CRKL: variants seen among roughly 807,000 people sequenced by gnomAD.
CRKL encodes the protein CRK like proto-oncogene, adaptor protein, also known as crk-like protein.
CRKL carries 3 observed loss-of-function variants against 23.0 expected under a neutral mutation model. The ratio of observed to expected loss-of-function variants is 0.13; its 90% confidence interval spans 0.06 to 0.34. The LOEUF is 0.34. CRKL is among the 10% of genes least tolerant of loss of function. The pLI, the probability that CRKL is intolerant of heterozygous loss-of-function variation, is 1.00. For missense variants in CRKL, 256 were observed against 394.5 expected, an observed-to-expected ratio of 0.65 and a Z score of 2.97; for synonymous variants, 188 against 160.7, an observed-to-expected ratio of 1.17 and a Z score of -1.28.
Position 20,951,900 on chromosome 22 carries a change from G to A in CRKL, c.*2055G>A, listed in dbSNP as rs1437520329. On this transcript the variant is annotated 3_prime_UTR_variant, in exon 3 of 3. Transcript: ENST00000354336. ...TTAGCCCTTCCTTGCCAGTGAGAACGGTGACCGCCTCCTGCTCTGCACGGT... is the reference window on the plus strand; with the variant it reads ...TTAGCCCTTCCTTGCCAGTGAGAACAGTGACCGCCTCCTGCTCTGCACGGT... The A allele has an allele frequency of 4.1e-5, 9 of 222,068 alleles. No homozygotes were observed. The East Asian group carries it at 5.9e-4, about 15-fold the overall frequency. 13.8% of individuals were successfully genotyped at this position (222,068 alleles called of 1,614,324 possible). A position where few individuals can be genotyped will look rare whatever the true frequency, so the allele number is the denominator to read the frequency against.
rs909922538 is a variant in CRKL, at chr22:20,952,745, C to G, written c.*2900C>G. ...TATGGTTTTTCACCTGGGAAGGAAA[C>G]AAATTACGTACTAGAGGGCATTGAC... On this transcript the variant is annotated 3_prime_UTR_variant, in exon 3 of 3. Coordinates refer to ENST00000354336, the MANE Select transcript of CRKL (RefSeq NM_005207.4). The G allele has an allele frequency of 8.6e-6, 2 of 231,658 alleles. No homozygotes were observed. Among genetic ancestry groups the G allele is most frequent in the Non-Finnish European group, 1.7e-5 (2 of 117,186 alleles). 14.4% of individuals were successfully genotyped at this position (231,658 alleles called of 1,614,324 possible).
intron 1 of CRKL, among the ~76,000 whole-genome samples, chr22:20,918,874 G>A (rs1929787824): frequency 6.6e-6 from 1 of 152,120 alleles, no homozygotes; most frequent in African/African-American, 2.4e-5. Context: ...ACAGGCGTGA[G>A]CCACCACACC....
intron 2 of CRKL, among the ~76,000 whole-genome samples, chr22:20,948,968 CT>C (rs752545829): frequency 6.6e-6 from 1 of 152,096 alleles, no homozygotes; most frequent in Admixed American, 6.5e-5. Flanking sequence ...ACCTGAAGGT[CT>C]TTTTTTAAAA....
At chr22:20,948,076 C>G (rs1922135256) in intron 2 of CRKL, among the ~76,000 whole-genome samples, 1 of 152,154 alleles carries the variant, frequency 6.6e-6, no homozygotes, top group Non-Finnish European at 1.5e-5. Context: ...ACGAACTGAC[C>G]TGCCCATTTT....
chr22:20,928,060 G>A (rs1921296439), intron 1 of CRKL, among the ~76,000 whole-genome samples: 2 of 152,050 alleles, frequency 1.3e-5, no homozygotes, highest in Non-Finnish European at 2.9e-5. Flanking sequence ...GGGAGGCTTA[G>A]GCACAAGAAT....
At chr22:20,924,778 T>TA (rs1332528197) in intron 1 of CRKL, among the ~76,000 whole-genome samples, 1 of 151,992 alleles carries the variant, frequency 6.6e-6, no homozygotes, top group East Asian at 1.9e-4. Flanking sequence ...GGGTGGAAGT[T>TA]AAAGTGAGTC....
chr22:20,947,248 T>C (rs1189663066), intron 2 of CRKL, among the ~76,000 whole-genome samples: 2 of 151,930 alleles, frequency 1.3e-5, no homozygotes, highest in African/African-American at 2.4e-5. Flanking sequence ...TCTCTTTTTT[T>C]TTTTTTTCAA....
At chr22:20,930,771 C>T (rs892952274) in intron 1 of CRKL, among the ~76,000 whole-genome samples, 3 of 138,746 alleles carry the variant, frequency 2.2e-5, no homozygotes, top group Non-Finnish European at 3.0e-5. Context: ...AGCTCCGCCT[C>T]CCGGGTTTAC....
At chr22:20,928,648 A>G (rs1921319767) in intron 1 of CRKL, among the ~76,000 whole-genome samples, 1 of 151,674 alleles carries the variant, frequency 6.6e-6, no homozygotes. Context: ...CCCTGTTTCT[A>G]CCAAAAATAC....
intron 1 of CRKL, among the ~76,000 whole-genome samples, chr22:20,930,633 C>A (rs558917658): frequency 4.0e-5 from 6 of 150,788 alleles, no homozygotes; most frequent in Admixed American, 6.6e-5. Flanking sequence ...CCTCCCGCCT[C>A]GGCCTCCCAG....
intron 1 of CRKL, among the ~76,000 whole-genome samples, chr22:20,932,772 T>A (rs1371857706): frequency 6.6e-6 from 1 of 152,074 alleles, no homozygotes; most frequent in African/African-American, 2.4e-5. Flanking sequence ...TCTTAACTAC[T>A]AAGAATATAG....
intron 2 of CRKL, among the ~76,000 whole-genome samples, chr22:20,942,736 C>T (rs1038330975): frequency 1.3e-5 from 2 of 152,108 alleles, no homozygotes; most frequent in East Asian, 1.9e-4. Context: ...TTTCTCCTGC[C>T]TCAGCCTCCT....
At position 20,952,245 on chromosome 22, in the gene CRKL, G is replaced by GA. The variant is rs1922306724; in HGVS notation, c.*2403dup. On this transcript the variant is annotated 3_prime_UTR_variant, in exon 3 of 3. Transcript: ENST00000354336. ...GAGTGCAAGAAGTCTGGCCATTTTG[G>GA]AAAGCAAGGTTTCCTTTCAGCCCTG... 4.4e-6 allele frequency: 1 copy of GA among 228,820 alleles called. No individual in the cohort carries two copies. Among genetic ancestry groups the GA allele is most frequent in the African/African-American group, 2.3e-5 (1 of 43,776 alleles). 14.2% of individuals were successfully genotyped at this position (228,820 alleles called of 1,614,324 possible).
chr22:20,928,530 T>C (rs1921316297), intron 1 of CRKL, among the ~76,000 whole-genome samples: 1 of 151,778 alleles, frequency 6.6e-6, no homozygotes, highest in Non-Finnish European at 1.5e-5. Context: ...AAATAAAACA[T>C]TGGCCAGGCG....
Position 20,927,192 on chromosome 22 carries a change from A to ATTTTTTTTTTTTTTTT in CRKL, c.312-6584_312-6569dup, listed in dbSNP as rs532930393. Among the ~76,000 whole-genome samples the ATTTTTTTTTTTTTTTT allele has an allele frequency of 2.1e-3, 170 of 81,952 alleles. 24 individuals carry two copies. Among genetic ancestry groups the ATTTTTTTTTTTTTTTT allele is most frequent in the African/African-American group, 7.9e-3 (134 of 16,958 alleles). 53.8% of individuals were successfully genotyped at this position (81,952 alleles called of 152,430 possible). A position where few individuals can be genotyped will look rare whatever the true frequency, so the allele number is the denominator to read the frequency against. On this transcript the variant is annotated intron_variant, in intron 1 of 2. Coordinates refer to ENST00000354336, the MANE Select transcript of CRKL (RefSeq NM_005207.4). ...AGTACTTAGCTCATCTTGGAATTGAATTTTTTTTTTTTTTTTTTGAGACAG... is the reference window on the plus strand; with the variant it reads ...AGTACTTAGCTCATCTTGGAATTGAATTTTTTTTTTTTTTTTTTTTTTTTTTTTTTTTTTGAGACAG...
chr22:20,941,740 C>T (rs1202871413), intron 2 of CRKL, among the ~76,000 whole-genome samples: 1 of 150,582 alleles, frequency 6.6e-6, no homozygotes, highest in Non-Finnish European at 1.5e-5. Context: ...ATTACAGGTG[C>T]CCGCCACCAG....
rs1922336758 is a variant in CRKL at position 20,953,084 on chromosome 22, A to G, written c.*3239A>G. 1 of 232,206 alleles carries G rather than the reference A, an allele frequency of 4.3e-6. No homozygotes were observed. Among genetic ancestry groups the G allele is most frequent in the African/African-American group, 2.2e-5 (1 of 45,266 alleles). The allele number at this position is 232,206 out of a possible 1,614,324, so 14.4% of individuals were successfully genotyped here. A position where few individuals can be genotyped will look rare whatever the true frequency, so the allele number is the denominator to read the frequency against. On this transcript the variant is annotated 3_prime_UTR_variant, in exon 3 of 3. Transcript: ENST00000354336. ...TCTTGTGATGTTTGCTCAGAGGAATATGAACATTTTATTTTTGAAAAGGGA... is the reference window on the plus strand; with the variant it reads ...TCTTGTGATGTTTGCTCAGAGGAATGTGAACATTTTATTTTTGAAAAGGGA...
At chr22:20,927,513 CTTTT>C (rs1555919011) in intron 1 of CRKL, among the ~76,000 whole-genome samples, 1 of 139,878 alleles carries the variant, frequency 7.1e-6, no homozygotes, top group Non-Finnish European at 1.5e-5. Context: ...AGTTTTCTAC[CTTTT>C]TTTTTTTTTT....
At chr22:20,940,566 CTT>C (rs55853175) in intron 2 of CRKL, among the ~76,000 whole-genome samples, 9 of 134,920 alleles carry the variant, frequency 6.7e-5, no homozygotes, top group Middle Eastern at 8.2e-3. Context: ...TTTGGTGCTC[CTT>C]TTTTTTTTTT....
Sources: gnomAD v4.1 joint callset for allele counts (sites outside exome capture counted in the v4.1 genomes callset) on GRCh38, gnomAD v4.1.1 for gene constraint, MANE v1.5 for transcripts, NCBI Gene and HGNC (gene_info 2026-07-23, HGNC 2026-07-21) for gene names.